ETV4: variants seen among roughly 807,000 people sequenced by gnomAD.
The protein encoded by ETV4 is ETS translocation variant 4.
In ETV4, 42 loss-of-function variants were observed where a neutral mutation model predicts 65.9. That is an observed-to-expected ratio of 0.64 (90% CI 0.50 to 0.82). The LOEUF is 0.82. Among genes scored for constraint, ETV4 ranks in the 40% least tolerant of loss-of-function variants. The pLI is 0.00. For synonymous variants in ETV4, 238 were observed against 260.0 expected (o/e 0.92, Z 0.81); for missense variants, 583 against 630.3 (o/e 0.92, Z 0.80).
At chr17:43,532,592 C>A in intron 8 of ETV4, 82 bp downstream of exon 8, 1 of 1,288,758 alleles carries the variant, frequency 7.8e-7, no homozygotes, top group South Asian at 1.4e-5. Context: ...TGGTAAACAG[C>A]AATGTAAAAA....
At chr17:43,539,310 C>T (rs1342766997) in intron 4 of ETV4, among the ~76,000 whole-genome samples, 2 of 152,118 alleles carry the variant, frequency 1.3e-5, no homozygotes, top group African/African-American at 4.8e-5. Flanking sequence ...GCTTTCTTGC[C>T]TTTTTCTTTT....
At chr17:43,538,975 G>T (rs1971388656) in intron 4 of ETV4, among the ~76,000 whole-genome samples, 1 of 152,102 alleles carries the variant, frequency 6.6e-6, no homozygotes, top group Non-Finnish European at 1.5e-5. Context: ...CATCTCTTTT[G>T]CTTCTCTCTA....
At chr17:43,530,306 T>G (rs1970846201) in intron 8 of ETV4, 125 bp from the exon 9 acceptor site, 1 of 1,490,242 alleles carries the variant, frequency 6.7e-7, no homozygotes, top group Non-Finnish European at 9.0e-7. Context: ...GACTGTTCTT[T>G]GCCCAGGTTG....
At chr17:43,529,023 T>G in intron 12 of ETV4, 112 bp downstream of exon 12, 1 of 1,038,216 alleles carries the variant, frequency 9.6e-7, no homozygotes, top group Non-Finnish European at 1.5e-6. Flanking sequence ...TCTGACTGAT[T>G]CATTATCTGA....
chr17:43,543,627 A>G (rs888056661), intron 4 of ETV4, among the ~76,000 whole-genome samples: 16 of 152,148 alleles, frequency 1.1e-4, no homozygotes, highest in Non-Finnish European at 2.1e-4. Context: ...CTTCAGCTCT[A>G]GCCCAGCTCC....
intron 4 of ETV4, chr17:43,544,376 G>A (rs953390031): frequency 6.5e-6 from 1 of 152,860 alleles, no homozygotes; most frequent in Admixed American, 6.5e-5. Context: ...AGGAACACTT[G>A]CTATTAGAAT....
At position 43,536,445 on chromosome 17, in the gene ETV4, A is replaced by T. The variant is rs768185480; in HGVS notation, c.237T>A (p.Pro79=). 75 of 1,614,124 alleles carry T rather than the reference A, an allele frequency of 4.6e-5. No individual in the cohort carries two copies. The Admixed American group carries it at 1.2e-3, about 26-fold the overall frequency. Residue 79 remains proline, a synonymous_variant, in exon 5 of 13, where the codon CCT becomes CCA. Coordinates refer to ENST00000319349, the MANE Select transcript of ETV4 (RefSeq NM_001079675.5). ...ACTCACGGTTTTCTGAATGGAAATC[A>T]GGAACAAACTGCTCATCACTGTCTG... The part of the protein sequence containing the change: ...QVPDSDEQFV[P]DFHSENLAFH...
At chr17:43,539,021 C>T (rs968193372) in intron 4 of ETV4, among the ~76,000 whole-genome samples, 1 of 152,200 alleles carries the variant, frequency 6.6e-6, no homozygotes, top group African/African-American at 2.4e-5. Flanking sequence ...TGGATTTCAC[C>T]CACGGCCTCT....
intron 4 of ETV4, among the ~76,000 whole-genome samples, chr17:43,538,473 G>A (rs998494384): frequency 2.6e-5 from 4 of 152,162 alleles, no homozygotes; most frequent in African/African-American, 9.7e-5. Context: ...GATCCGAAGA[G>A]CTCTCCCAGG....
At position 43,529,611 on chromosome 17, in the gene ETV4, G is replaced by A. The variant is rs1411851977; in HGVS notation, c.1021C>T (p.Leu341=). The change falls in exon 11 of 13, where the codon CTG becomes TTG. Residue 341 remains leucine, a synonymous_variant. Coordinates refer to ENST00000319349, the MANE Select transcript of ETV4 (RefSeq NM_001079675.5). The part of the protein sequence containing the change: ...EGPPYQRRGA[L]QLWQFLVALL... The stretch of plus-strand genomic sequence containing the variant: ...GCCACCAGAAATTGCCACAGCTGCA[G>A]GGCACCCCGGCGCTGGTAGGGCGGC... 6.2e-7 allele frequency: 1 copy of A among 1,614,010 alleles called. No homozygotes were observed.
intron 4 of ETV4, chr17:43,544,400 A>C (rs1251771639): frequency 6.5e-6 from 1 of 152,910 alleles, no homozygotes; most frequent in East Asian, 1.9e-4. Flanking sequence ...AATCAAGGCT[A>C]TTTGGGGAGG....
Position 43,545,260 on chromosome 17 carries a change from C to G in ETV4, c.154+14G>C, listed in dbSNP as rs1284573330. The G allele has an allele frequency of 3.2e-6, 5 of 1,586,584 alleles. No individual in the cohort carries two copies. Among genetic ancestry groups the G allele is most frequent in the Admixed American group, 1.7e-5 (1 of 58,766 alleles). ...GGCGGAGGAGGGTCGCGGTTTGTCT[C>G]TCTTGCTCTTTACCTTCAGAGTCGA... On this transcript the variant is annotated intron_variant, in intron 3 of 12. Coordinates refer to ENST00000319349, the MANE Select transcript of ETV4 (RefSeq NM_001079675.5).
chr17:43,533,786 C>T, intron 6 of ETV4, 73 bp downstream of exon 6: 2 of 1,563,856 alleles, frequency 1.3e-6, no homozygotes, highest in Non-Finnish European at 8.6e-7. Context: ...GCTGCCTCTG[C>T]TCATGGGTGC....
At chr17:43,545,234 T>TGG in intron 3 of ETV4, 40 bp downstream of exon 3, 2 of 1,237,910 alleles carry the variant, frequency 1.6e-6, no homozygotes, top group South Asian at 1.3e-5. Flanking sequence ...TGTGTGTGTG[T>TGG]GGCGGAGGAG....
At position 43,530,697 on chromosome 17, in the gene ETV4, T is replaced by G. The variant is rs79827161; in HGVS notation, c.812-516A>C. Among the ~76,000 whole-genome samples the G allele has an allele frequency of 1.7e-4, 26 of 152,110 alleles. No homozygotes were observed. In the East Asian group the frequency reaches 4.7e-3, roughly 27 times the overall value. ...AAGAGGCAGTGGGCACTGGGCCTTG[T>G]TTTTTCAGGTCTAACAGAGCACATT... On this transcript the variant is annotated intron_variant, in intron 8 of 12. Transcript: ENST00000319349.
chr17:43,535,985 C>T (rs1267149476), intron 5 of ETV4, among the ~76,000 whole-genome samples: 2 of 152,196 alleles, frequency 1.3e-5, no homozygotes, highest in Non-Finnish European at 2.9e-5. Context: ...GTTGTGCATG[C>T]CTGTAATCCC....
At position 43,536,603 on chromosome 17, in the gene ETV4, T is replaced by G. The variant is rs543084917; in HGVS notation, c.203-124A>C. On this transcript the variant is annotated intron_variant, in intron 4 of 12. Transcript: ENST00000319349. Reference sequence around the variant, plus strand: ...GGACCAACAGCCTTTAGATCAGGGGTGTCCACATTGTAAGAATTGTCTTGG... The same window carrying G: ...GGACCAACAGCCTTTAGATCAGGGGGGTCCACATTGTAAGAATTGTCTTGG... The G allele has an allele frequency of 1.1e-5, 8 of 731,966 alleles. No individual in the cohort carries two copies. In the South Asian group the frequency reaches 1.3e-4, roughly 12 times the overall value. The allele number at this position is 731,966 out of a possible 1,614,324, so 45.3% of individuals were successfully genotyped here.
intron 8 of ETV4, chr17:43,530,562 A>T: frequency 1.8e-6 from 1 of 564,008 alleles, no homozygotes; most frequent in Non-Finnish European, 2.7e-6. Context: ...CAGAATGGAC[A>T]AAAATGTCCG....
At chr17:43,544,395 A>G (rs550178658) in intron 4 of ETV4, 3 of 153,002 alleles carry the variant, frequency 2.0e-5, no homozygotes, top group African/African-American at 7.2e-5. Flanking sequence ...ATTACAATCA[A>G]GGCTATTTGG....
Sources: gnomAD v4.1 joint callset for allele counts (sites outside exome capture counted in the v4.1 genomes callset) on GRCh38, gnomAD v4.1.1 for gene constraint, MANE v1.5 for transcripts, NCBI Gene and HGNC (gene_info 2026-07-23, HGNC 2026-07-21) for gene names.